MAGI2: variants seen among roughly 807,000 people sequenced by gnomAD.
MAGI2 encodes the protein membrane associated guanylate kinase, WW and PDZ domain containing 2.
A neutral mutation model predicts 133.3 loss-of-function variants in MAGI2; 35 were observed. That is an observed-to-expected ratio of 0.26 (90% CI 0.20 to 0.35). The LOEUF is 0.35. MAGI2 is among the 10% of genes least tolerant of loss of function. The pLI is 1.00. For synonymous variants in MAGI2, 729 were observed against 710.6 expected (o/e 1.03, Z -0.41); for missense variants, 1,636 against 1,863.4 (o/e 0.88, Z 2.25).
At chr7:78,328,275 A>G (rs1788790705) in intron 9 of MAGI2, among the ~76,000 whole-genome samples, 1 of 152,016 alleles carries the variant, frequency 6.6e-6, no homozygotes, top group African/African-American at 2.4e-5. Context: ...AACACTGAAA[A>G]CAATTCCATA....
chr7:78,815,498 G>A (rs1789487081), intron 2 of MAGI2, among the ~76,000 whole-genome samples: 1 of 151,892 alleles, frequency 6.6e-6, no homozygotes, highest in South Asian at 2.1e-4. Context: ...ATTGCACTTT[G>A]CTTATTGTAC....
chr7:78,431,074 C>CTGTG (rs147567944), intron 6 of MAGI2, among the ~76,000 whole-genome samples: 12,998 of 146,434 alleles, frequency 0.089, 582 homozygotes, highest in East Asian at 0.14. Context: ...GTGAGGTAGG[C>CTGTG]TGTGTGTGTG....
Position 79,362,124 on chromosome 7 carries a change from A to G in MAGI2, c.301+90896T>C, listed in dbSNP as rs183848989. Among the ~76,000 whole-genome samples, 876 of 148,828 alleles carry G rather than the reference A, an allele frequency of 5.9e-3. 24 individuals carry two copies. The East Asian group carries it at 0.088, about 15-fold the overall frequency. ...ACAATATGAAAAATCAATAAAACAC[A>G]TAGCTTTTTTTTAAAAAAACAATAA... On this transcript the variant is annotated intron_variant, in intron 1 of 21. Coordinates refer to ENST00000354212, the MANE Select transcript of MAGI2 (RefSeq NM_012301.4).
intron 1 of MAGI2, among the ~76,000 whole-genome samples, chr7:79,118,173 GCTACCCAGGA>G (rs1000663570): frequency 1.3e-5 from 2 of 152,088 alleles, no homozygotes; most frequent in East Asian, 3.8e-4. Flanking sequence ...ACTTCCTTGG[GCTACCCAGGA>G]CAGTCCTGAT....
intron 1 of MAGI2, among the ~76,000 whole-genome samples, chr7:79,174,873 C>A (rs1056533211): frequency 6.6e-6 from 1 of 151,722 alleles, no homozygotes; most frequent in Admixed American, 6.6e-5. Context: ...CTTGCAAGAA[C>A]TATTGGAAAA....
intron 20 of MAGI2, among the ~76,000 whole-genome samples, chr7:78,093,138 A>G (rs1339604661): frequency 9.0e-6 from 1 of 110,578 alleles, no homozygotes; most frequent in African/African-American, 2.9e-5. Context: ...TCCTTCTCCA[A>G]AAAAAAAAAA....
intron 1 of MAGI2, among the ~76,000 whole-genome samples, chr7:79,080,562 A>G (rs557797535): frequency 8.5e-5 from 13 of 152,146 alleles, no homozygotes; most frequent in Non-Finnish European, 1.6e-4. Flanking sequence ...ATCATCAAGT[A>G]TGTACAGAAT....
At chr7:78,872,110 C>A (rs1460652955) in intron 2 of MAGI2, among the ~76,000 whole-genome samples, 1 of 142,904 alleles carries the variant, frequency 7.0e-6, no homozygotes, top group African/African-American at 2.6e-5. Flanking sequence ...CCAAAACAAA[C>A]AAACAAACAA....
intron 20 of MAGI2, among the ~76,000 whole-genome samples, chr7:78,109,343 A>G (rs529231647): frequency 7.9e-4 from 107 of 136,204 alleles, no homozygotes; most frequent in African/African-American, 2.7e-3. Flanking sequence ...AAGAAAAAAG[A>G]AAAAAAAAAG....
chr7:79,319,026 T>C (rs767072614), intron 1 of MAGI2, among the ~76,000 whole-genome samples: 2 of 152,208 alleles, frequency 1.3e-5, no homozygotes, highest in Non-Finnish European at 2.9e-5. Context: ...TCAGATTTAC[T>C]ATATGAAAGG....
chr7:78,876,108 G>A (rs1373246505), intron 2 of MAGI2, among the ~76,000 whole-genome samples: 1 of 151,990 alleles, frequency 6.6e-6, no homozygotes, highest in Non-Finnish European at 1.5e-5. Context: ...GGATCACAAG[G>A]TCAGGAGTTC....
intron 1 of MAGI2, among the ~76,000 whole-genome samples, chr7:79,345,757 CTG>C (rs1204069001): frequency 6.6e-6 from 1 of 152,046 alleles, no homozygotes; most frequent in East Asian, 1.9e-4. Flanking sequence ...TCTAAGGATT[CTG>C]TGTGATAGTA....
intron 1 of MAGI2, among the ~76,000 whole-genome samples, chr7:79,022,543 C>T (rs576109367): frequency 6.8e-6 from 1 of 147,504 alleles, no homozygotes; most frequent in South Asian, 2.2e-4. Context: ...GAAATGAAGG[C>T]AATTGAGACA....
intron 6 of MAGI2, among the ~76,000 whole-genome samples, chr7:78,421,755 G>C (rs1798819032): frequency 6.6e-6 from 1 of 152,114 alleles, no homozygotes; most frequent in Admixed American, 6.5e-5. Flanking sequence ...AGTGGGCCGT[G>C]ATAGTGCCAC....
intron 21 of MAGI2, among the ~76,000 whole-genome samples, chr7:78,051,096 C>A (rs1251439530): frequency 6.6e-6 from 1 of 152,220 alleles, no homozygotes; most frequent in Non-Finnish European, 1.5e-5. Context: ...CTGTCACTAG[C>A]AAATGAAGCC....
chr7:78,055,578 AC>A (rs1435246102), intron 21 of MAGI2, among the ~76,000 whole-genome samples: 1 of 152,180 alleles, frequency 6.6e-6, no homozygotes, highest in African/African-American at 2.4e-5. Context: ...TAAATAAACC[AC>A]CGACACCTCC....
chr7:78,966,043 GTGGCATTCCCTGAC>G (rs1803278714), intron 2 of MAGI2, among the ~76,000 whole-genome samples: 1 of 152,012 alleles, frequency 6.6e-6, no homozygotes, highest in Non-Finnish European at 1.5e-5. Context: ...CCAGATGTTG[GTGGCATTCCCTGAC>G]TGCCTTTCAG....
In MAGI2 at chr7:78,299,571, G is replaced by A. The variant is rs538895505; in HGVS notation, c.1409-42990C>T. ...ATGCCAGTGGGTGTGTTATATATGG[G>A]TGATTTTTTTTGGGGTTGCCACTAT... On this transcript the variant is annotated intron_variant, in intron 9 of 21. Coordinates refer to ENST00000354212, the MANE Select transcript of MAGI2 (RefSeq NM_012301.4). Among the ~76,000 whole-genome samples the A allele has an allele frequency of 1.1e-4, 16 of 152,238 alleles. No individual in the cohort carries two copies. In the South Asian group the frequency reaches 2.7e-3, roughly 26 times the overall value.
rs189981346 is a variant in MAGI2, at chr7:78,239,248, C to T, written c.2047+16695G>A. On this transcript the variant is annotated intron_variant, in intron 10 of 21. Transcript: ENST00000354212. ...ATTAGATTATATCTCTCACCATATA[C>T]AAATATCAACTCAAAATGGCTCAAA... Among the ~76,000 whole-genome samples the T allele has an allele frequency of 1.8e-4, 28 of 152,234 alleles. No individual in the cohort carries two copies. In the East Asian group the frequency reaches 5.0e-3, roughly 27 times the overall value.
Sources: allele counts gnomAD v4.1 joint callset (sites outside exome capture counted in the v4.1 genomes callset), GRCh38; gene constraint gnomAD v4.1.1; transcripts MANE v1.5; gene names NCBI Gene and HGNC (gene_info 2026-07-23, HGNC 2026-07-21).